PDGFC: variants seen among roughly 807,000 people sequenced by gnomAD.
The protein encoded by PDGFC is platelet derived growth factor C.
Under a neutral mutation model 35.5 loss-of-function variants are expected in PDGFC, and 12 were observed. That is an observed-to-expected ratio of 0.34 (90% CI 0.22 to 0.55). PDGFC has a LOEUF of 0.55. Ranked by LOEUF, PDGFC falls within the 20% of genes least tolerant of loss-of-function variation. The pLI, the probability that PDGFC is intolerant of heterozygous loss-of-function variation, is 0.91. For missense variants in PDGFC, 322 were observed against 412.4 expected, an observed-to-expected ratio of 0.78 and a Z score of 1.90; for synonymous variants, 159 against 148.8, an observed-to-expected ratio of 1.07 and a Z score of -0.50.
intron 1 of PDGFC, among the ~76,000 whole-genome samples, chr4:156,960,831 C>G (rs1732325897): frequency 6.6e-6 from 1 of 152,038 alleles, no homozygotes; most frequent in Non-Finnish European, 1.5e-5. Context: ...GCAAATCACA[C>G]TCTAGTAAGA....
At chr4:156,941,861 G>A (rs1321323190) in intron 1 of PDGFC, among the ~76,000 whole-genome samples, 1 of 152,002 alleles carries the variant, frequency 6.6e-6, no homozygotes, top group African/African-American at 2.4e-5. Context: ...TTTGCAAGAA[G>A]AGCCTGTTAA....
chr4:156,793,554 TATATATATAA>T (rs1314048512), intron 3 of PDGFC, among the ~76,000 whole-genome samples: 2 of 145,454 alleles, frequency 1.4e-5, no homozygotes, highest in African/African-American at 5.0e-5. Context: ...TATATATATA[TATATATATAA>T]AACACTTTAA....
At chr4:156,920,718 G>T (rs2110839301) in intron 1 of PDGFC, among the ~76,000 whole-genome samples, 1 of 151,654 alleles carries the variant, frequency 6.6e-6, no homozygotes, top group South Asian at 2.1e-4. Context: ...TTTGTCCTGT[G>T]GGTTGGGAAT....
At chr4:156,778,527 G>A (rs1730886974) in intron 3 of PDGFC, among the ~76,000 whole-genome samples, 2 of 152,044 alleles carry the variant, frequency 1.3e-5, no homozygotes, top group Non-Finnish European at 1.5e-5. Flanking sequence ...GTGTTTTACT[G>A]TTTTGTATTT....
chr4:156,821,736 G>A (rs1732267032), intron 2 of PDGFC, among the ~76,000 whole-genome samples: 1 of 152,050 alleles, frequency 6.6e-6, no homozygotes, highest in Non-Finnish European at 1.5e-5. Flanking sequence ...TTTTAGTAGA[G>A]ACGGGGTTTC....
intron 3 of PDGFC, chr4:156,778,946 T>A: frequency 7.2e-6 from 2 of 276,914 alleles, no homozygotes; most frequent in Non-Finnish European, 1.5e-5. Context: ...ATTGTCGGAG[T>A]TAAAAATAAA....
intron 3 of PDGFC, among the ~76,000 whole-genome samples, chr4:156,809,197 T>C (rs145913304): frequency 1.9e-4 from 29 of 152,124 alleles, no homozygotes; most frequent in African/African-American, 6.3e-4. Context: ...TTGAAGTCCA[T>C]ATTGACAATT....
At chr4:156,938,579 A>G (rs553082838) in intron 1 of PDGFC, among the ~76,000 whole-genome samples, 5 of 152,114 alleles carry the variant, frequency 3.3e-5, no homozygotes, top group Non-Finnish European at 5.9e-5. Flanking sequence ...TAAAAAACTG[A>G]CAAAACTCAG....
chr4:156,831,654 G>A (rs1728936708), intron 2 of PDGFC, among the ~76,000 whole-genome samples: 1 of 151,724 alleles, frequency 6.6e-6, no homozygotes, highest in African/African-American at 2.4e-5. Flanking sequence ...ATGTTGGCCA[G>A]GCTGGTCTCC....
At chr4:156,866,375 G>A (rs1041055443) in intron 1 of PDGFC, among the ~76,000 whole-genome samples, 14 of 152,038 alleles carry the variant, frequency 9.2e-5, no homozygotes, top group Non-Finnish European at 1.9e-4. Flanking sequence ...CATTTGGTCA[G>A]ACTGAAAAGT....
At chr4:156,788,796 C>T (rs192080635) in intron 3 of PDGFC, among the ~76,000 whole-genome samples, 1 of 152,288 alleles carries the variant, frequency 6.6e-6, no homozygotes, top group Admixed American at 6.5e-5. Flanking sequence ...ATTTATCTTG[C>T]TAAATGTCTT....
chr4:156,839,943 G>C (rs1729158106), intron 2 of PDGFC, among the ~76,000 whole-genome samples: 1 of 152,170 alleles, frequency 6.6e-6, no homozygotes, highest in Non-Finnish European at 1.5e-5. Context: ...CTTTGAACTT[G>C]AGAGAGATTA....
chr4:156,963,041 A>T (rs1436156510), intron 1 of PDGFC, among the ~76,000 whole-genome samples: 3 of 152,128 alleles, frequency 2.0e-5, no homozygotes, highest in Non-Finnish European at 2.9e-5. Context: ...TACCATTAAA[A>T]TGCCTTGTTC....
chr4:156,778,987 A>G (rs931559941), intron 3 of PDGFC: 2 of 330,898 alleles, frequency 6.0e-6, no homozygotes, highest in African/African-American at 4.3e-5. Flanking sequence ...GGTGTTTAAG[A>G]GAAGACAATA....
At chr4:156,922,829 A>T (rs1731318506) in intron 1 of PDGFC, among the ~76,000 whole-genome samples, 1 of 152,150 alleles carries the variant, frequency 6.6e-6, no homozygotes, top group African/African-American at 2.4e-5. Context: ...AGAAAAACAA[A>T]GAATGGATGA....
intron 2 of PDGFC, among the ~76,000 whole-genome samples, chr4:156,820,241 A>T (rs1732211085): frequency 6.6e-6 from 1 of 152,238 alleles, no homozygotes. Context: ...GCAGGGTCTG[A>T]GAGAACTGAC....
intron 1 of PDGFC, among the ~76,000 whole-genome samples, chr4:156,916,875 C>T (rs1023758649): frequency 1.3e-5 from 2 of 152,182 alleles, no homozygotes; most frequent in African/African-American, 4.8e-5. Context: ...CTATCCAAAA[C>T]TCTTAAGTCT....
At chr4:156,837,554 T>C (rs72683344) in intron 2 of PDGFC, among the ~76,000 whole-genome samples, 7,864 of 152,262 alleles carry the variant, frequency 0.052, 311 homozygotes, top group Non-Finnish European at 0.082. Context: ...AATAAAAGAC[T>C]GCATCATTAT....
intron 2 of PDGFC, among the ~76,000 whole-genome samples, chr4:156,840,762 T>C (rs931481100): frequency 6.6e-6 from 1 of 152,184 alleles, no homozygotes; most frequent in South Asian, 2.1e-4. Flanking sequence ...CCCAAGGCCA[T>C]GCGAGTTCAC....
Sources: gnomAD v4.1 joint callset for allele counts (sites outside exome capture counted in the v4.1 genomes callset) on GRCh38, gnomAD v4.1.1 for gene constraint, MANE v1.5 for transcripts, NCBI Gene and HGNC (gene_info 2026-07-23, HGNC 2026-07-21) for gene names.